The following PRR5 variants were observed in gnomAD, a reference collection of about 807,000 sequenced individuals.
PRR5 encodes proline rich 5.
In PRR5, 25 loss-of-function variants were observed where a neutral mutation model predicts 30.6. The ratio of observed to expected loss-of-function variants is 0.82; its 90% CI spans 0.60 to 1.14. The LOEUF is 1.14. Among genes scored for constraint, PRR5 ranks in the 50% most tolerant of loss-of-function variants. PRR5 has a pLI of 0.00. For synonymous variants in PRR5, 286 were observed against 247.1 expected (o/e 1.16, Z -1.48); for missense variants, 600 against 547.1 (o/e 1.10, Z -0.96).
chr22:44,731,562 G>T (rs1602089842), intron 4 of PRR5, 168 bp from the exon 5 acceptor site: 2 of 656,962 alleles, frequency 3.0e-6, no homozygotes, highest in South Asian at 3.5e-5. Context: ...TGGGCCCAGG[G>T]CCATAGAACA....
At chr22:44,670,362 G>C (rs542391654) in intron 1 of PRR5, among the ~76,000 whole-genome samples, 1 of 152,186 alleles carries the variant, frequency 6.6e-6, no homozygotes, top group African/African-American at 2.4e-5. Flanking sequence ...TGTGAAGTCC[G>C]GCAGGCCTGA....
upstream of PRR5, among the ~76,000 whole-genome samples, chr22:44,673,946 C>T (rs1923566499): frequency 6.6e-6 from 1 of 152,128 alleles, no homozygotes; most frequent in African/African-American, 2.4e-5. Context: ...TGGACAAATC[C>T]TCTTTCTAAG....
At chr22:44,704,902 G>A (rs1569083012) in intron 1 of PRR5, among the ~76,000 whole-genome samples, 1 of 152,200 alleles carries the variant, frequency 6.6e-6, no homozygotes, top group Admixed American at 6.5e-5. Flanking sequence ...ACTGCAGGGA[G>A]CAGGGCACCC....
intron 2 of PRR5, among the ~76,000 whole-genome samples, chr22:44,724,290 A>G (rs1177418807): frequency 6.6e-6 from 1 of 151,624 alleles, no homozygotes; most frequent in Non-Finnish European, 1.5e-5. Context: ...ACAAAAATTA[A>G]CTCGGCCTGG....
intron 1 of PRR5, among the ~76,000 whole-genome samples, chr22:44,685,310 C>G (rs991514295): frequency 6.6e-6 from 1 of 152,188 alleles, no homozygotes; most frequent in Non-Finnish European, 1.5e-5. Flanking sequence ...GTCTCACCAT[C>G]TGTAAAATGG....
chr22:44,727,888 G>GGTTCTGGGAAGGC (rs1921149744), intron 4 of PRR5, among the ~76,000 whole-genome samples: 1 of 152,242 alleles, frequency 6.6e-6, no homozygotes, highest in South Asian at 2.1e-4. Context: ...GAGACATGGG[G>GGTTCTGGGAAGGC]GTTCTGGGAA....
At chr22:44,708,156 C>G (rs1329836375) in intron 1 of PRR5, among the ~76,000 whole-genome samples, 1 of 152,006 alleles carries the variant, frequency 6.6e-6, no homozygotes, top group African/African-American at 2.4e-5. Context: ...GCCGAGAACA[C>G]GCCACTGCAC....
At chr22:44,699,319 G>T (rs1349037308), upstream of PRR5, among the ~76,000 whole-genome samples, 1 of 152,206 alleles carries the variant, frequency 6.6e-6, no homozygotes, top group East Asian at 1.9e-4. Flanking sequence ...GCCAGGCCCT[G>T]CCTGTGGTCA....
chr22:44,684,717 C>G (rs1303795681), intron 1 of PRR5, among the ~76,000 whole-genome samples: 1 of 152,226 alleles, frequency 6.6e-6, no homozygotes, highest in Non-Finnish European at 1.5e-5. Context: ...TAGGGGCAGA[C>G]AGCGGGTGTG....
At chr22:44,689,753 A>G (rs149519310) in intron 1 of PRR5, among the ~76,000 whole-genome samples, 113 of 152,284 alleles carry the variant, frequency 7.4e-4, no homozygotes, top group Non-Finnish European at 1.3e-3. Flanking sequence ...AGTTCAAGCA[A>G]TTCTCCCATC....
chr22:44,730,847 C>T (rs999095750), intron 4 of PRR5: 20 of 443,314 alleles, frequency 4.5e-5, no homozygotes, highest in Admixed American at 1.1e-4. Context: ...ACCCTTTCCT[C>T]GGAGGCTCAG....
At chr22:44,685,987 G>A (rs1012101041) in intron 1 of PRR5, among the ~76,000 whole-genome samples, 33 of 152,172 alleles carry the variant, frequency 2.2e-4, no homozygotes, top group Admixed American at 1.5e-3. Context: ...CGGCATGGTG[G>A]CTCACGTCTG....
At chr22:44,711,203 T>G (rs1215132287) in intron 1 of PRR5, among the ~76,000 whole-genome samples, 1 of 151,752 alleles carries the variant, frequency 6.6e-6, no homozygotes, top group Non-Finnish European at 1.5e-5. Context: ...GCGGCCAGAG[T>G]GTGAGGCCAG....
At chr22:44,730,467 C>T in intron 4 of PRR5, 1 of 988,774 alleles carries the variant, frequency 1.0e-6, no homozygotes, top group Non-Finnish European at 1.2e-6. Flanking sequence ...CGTTGCCTCT[C>T]CCACTGGAAC....
At chr22:44,686,189 T>A (rs1924732249) in intron 1 of PRR5, among the ~76,000 whole-genome samples, 1 of 151,934 alleles carries the variant, frequency 6.6e-6, no homozygotes, top group African/African-American at 2.4e-5. Flanking sequence ...AGAGAGAGGT[T>A]GCAGTGAGCT....
At chr22:44,728,621 G>C (rs1280388920) in intron 4 of PRR5, among the ~76,000 whole-genome samples, 1 of 152,234 alleles carries the variant, frequency 6.6e-6, no homozygotes, top group African/African-American at 2.4e-5. Context: ...GGGAACTTGT[G>C]GTCCCTTTTG....
intron 1 of PRR5, among the ~76,000 whole-genome samples, chr22:44,707,704 C>G (rs1264487913): frequency 2.0e-5 from 3 of 152,244 alleles, no homozygotes; most frequent in African/African-American, 7.2e-5. Flanking sequence ...TGGGGATCCC[C>G]AGCAGGGCTC....
At chr22:44,732,850 ACGTGCACACGCACATAC>A in intron 6 of PRR5, among the ~76,000 whole-genome samples, 2 of 117,722 alleles carry the variant, frequency 1.7e-5, no homozygotes, top group African/African-American at 7.0e-5. Context: ...ACGTGCACAC[ACGTGCACACGCACATAC>A]TACACACTGC....
chr22:44,712,286 G>A (rs1039536895), intron 1 of PRR5, among the ~76,000 whole-genome samples: 2 of 152,184 alleles, frequency 1.3e-5, no homozygotes, highest in Non-Finnish European at 2.9e-5. Context: ...GCCAGTGCCC[G>A]CTGAGAAGCT....
Sources: gnomAD v4.1 joint callset for allele counts (sites outside exome capture counted in the v4.1 genomes callset) on GRCh38, gnomAD v4.1.1 for gene constraint, MANE v1.5 for transcripts, NCBI Gene and HGNC (gene_info 2026-07-23, HGNC 2026-07-21) for gene names.